The following HTR1E variants were observed in gnomAD, a reference collection of about 807,000 sequenced individuals.
The protein encoded by HTR1E is 5-hydroxytryptamine receptor 1E.
Under a neutral mutation model 3.4 loss-of-function variants are expected in HTR1E, and 3 were observed. That is an observed-to-expected ratio of 0.89 (90% CI 0.41 to 2.31). The LOEUF is 2.31. Among genes scored for constraint, HTR1E ranks in the 30% most tolerant of loss-of-function variants. The pLI, the probability that HTR1E is intolerant of heterozygous loss-of-function variation, is 0.05. For synonymous variants in HTR1E, 170 were observed against 182.8 expected (o/e 0.93, Z 0.56); for missense variants, 392 against 467.0 (o/e 0.84, Z 1.48).
chr6:86,965,484 C>T (rs1466244507), intron 1 of HTR1E, among the ~76,000 whole-genome samples: 2 of 152,056 alleles, frequency 1.3e-5, no homozygotes, highest in Non-Finnish European at 2.9e-5. Context: ...CACATAAATT[C>T]TGATTTAATC....
At chr6:86,954,957 G>A (rs1485869503) in intron 1 of HTR1E, among the ~76,000 whole-genome samples, 1 of 152,114 alleles carries the variant, frequency 6.6e-6, no homozygotes, top group Non-Finnish European at 1.5e-5. Context: ...ATGTATCTGG[G>A]AAAAGAACCC....
chr6:86,993,676 T>C (rs1249294052), intron 1 of HTR1E, among the ~76,000 whole-genome samples: 1 of 152,070 alleles, frequency 6.6e-6, no homozygotes, highest in Non-Finnish European at 1.5e-5. Context: ...CTTCTCTCCC[T>C]GGAGCAACGT....
At position 86,941,327 on chromosome 6, in the gene HTR1E, CTCTT is replaced by C. The variant is rs531515143; in HGVS notation, c.-186+3508_-186+3511del. On this transcript the variant is annotated intron_variant, in intron 1 of 1. Coordinates refer to ENST00000305344, the MANE Select transcript of HTR1E (RefSeq NM_000865.3). ...CAAATTGATAAAATTCTTGAGAACCCTCTTTCTAATACAGATTGACTATAATTTT... is the reference window on the plus strand; with the variant it reads ...CAAATTGATAAAATTCTTGAGAACCCTCTAATACAGATTGACTATAATTTT... Among the ~76,000 whole-genome samples, 17 of 152,324 alleles carry C rather than the reference CTCTT, an allele frequency of 1.1e-4. No individual in the cohort carries two copies. The East Asian group carries it at 2.5e-3, about 22-fold the overall frequency.
intron 1 of HTR1E, among the ~76,000 whole-genome samples, chr6:86,941,887 AAGGGAAGG>A (rs1011164635): frequency 5.9e-5 from 9 of 151,578 alleles, no homozygotes; most frequent in East Asian, 1.9e-4. Flanking sequence ...GGAAGGAAGG[AAGGGAAGG>A]AGGGAAGGAG....
In HTR1E at chr6:86,981,547, C is replaced by T. The variant is rs532977466; in HGVS notation, c.-185-33603C>T. Among the ~76,000 whole-genome samples, 14 of 152,304 alleles carry T rather than the reference C, an allele frequency of 9.2e-5. No homozygotes were observed. The South Asian group carries it at 2.7e-3, about 29-fold the overall frequency. On this transcript the variant is annotated intron_variant, in intron 1 of 1. Transcript: ENST00000305344. ...TTGTAATTCAGGTCCACTGGAGAAA[C>T]TCTATTTACTATCATCTTCAATGTC...
At chr6:86,983,538 C>T (rs562820089) in intron 1 of HTR1E, among the ~76,000 whole-genome samples, 23 of 152,058 alleles carry the variant, frequency 1.5e-4, no homozygotes, top group Middle Eastern at 3.4e-3. Flanking sequence ...GGGGAAATGA[C>T]GAGGGGTTGG....
At chr6:86,978,819 T>G (rs987822950) in intron 1 of HTR1E, among the ~76,000 whole-genome samples, 1 of 152,236 alleles carries the variant, frequency 6.6e-6, no homozygotes, top group Non-Finnish European at 1.5e-5. Flanking sequence ...GCAGGTTTCT[T>G]CTGCTCAGAT....
chr6:87,006,987 T>C (rs556281013), intron 1 of HTR1E, among the ~76,000 whole-genome samples: 1 of 152,234 alleles, frequency 6.6e-6, no homozygotes, highest in African/African-American at 2.4e-5. Flanking sequence ...GCTTAATAAC[T>C]AGGTGATGGC....
intron 1 of HTR1E, chr6:87,000,317 A>C (rs1021707760): frequency 2.6e-5 from 4 of 152,200 alleles, no homozygotes; most frequent in Admixed American, 6.5e-5. Flanking sequence ...CAGCTAGAAG[A>C]TAAAACAATT....
chr6:86,975,082 G>A (rs7751022), intron 1 of HTR1E, among the ~76,000 whole-genome samples: 11,343 of 152,154 alleles, frequency 0.075, 550 homozygotes, highest in East Asian at 0.15. Context: ...GTACTGCTCC[G>A]AAGACTGCTC....
intron 1 of HTR1E, among the ~76,000 whole-genome samples, chr6:86,987,845 A>G (rs114412786): frequency 6.6e-6 from 1 of 152,160 alleles, no homozygotes; most frequent in Non-Finnish European, 1.5e-5. Flanking sequence ...AAATGTGTGA[A>G]ACCTTTTATA....
At chr6:86,942,076 T>C (rs558721683) in intron 1 of HTR1E, among the ~76,000 whole-genome samples, 1 of 152,242 alleles carries the variant, frequency 6.6e-6, no homozygotes, top group East Asian at 1.9e-4. Flanking sequence ...AATATAATCA[T>C]AGGGATTTAT....
intron 1 of HTR1E, among the ~76,000 whole-genome samples, chr6:86,972,339 C>A (rs534744409): frequency 6.6e-6 from 1 of 152,058 alleles, no homozygotes; most frequent in East Asian, 1.9e-4. Flanking sequence ...CAGAATACTT[C>A]AAGGTATTGT....
intron 1 of HTR1E, among the ~76,000 whole-genome samples, chr6:87,011,671 T>A (rs973517295): frequency 3.9e-5 from 6 of 152,240 alleles, no homozygotes; most frequent in Admixed American, 3.9e-4. Flanking sequence ...TTCTATTTTT[T>A]CCCTTTCCTT....
intron 1 of HTR1E, among the ~76,000 whole-genome samples, chr6:86,956,046 T>C (rs930171408): frequency 6.6e-6 from 1 of 152,108 alleles, no homozygotes; most frequent in South Asian, 2.1e-4. Flanking sequence ...GCATTAACAC[T>C]ACAACAGAGA....
chr6:86,973,007 A>G (rs1435843048), intron 1 of HTR1E, among the ~76,000 whole-genome samples: 1 of 152,174 alleles, frequency 6.6e-6, no homozygotes, highest in Admixed American at 6.5e-5. Context: ...ACGTTCTACC[A>G]CTGCTGTTTC....
chr6:86,966,127 G>C (rs1767468476), intron 1 of HTR1E, among the ~76,000 whole-genome samples: 1 of 151,812 alleles, frequency 6.6e-6, no homozygotes, highest in South Asian at 2.1e-4. Flanking sequence ...AGGATGGGTG[G>C]TTTCAAATTT....
intron 1 of HTR1E, among the ~76,000 whole-genome samples, chr6:87,010,567 G>A (rs1197687558): frequency 5.8e-5 from 8 of 139,064 alleles, no homozygotes; most frequent in African/African-American, 8.2e-5. Context: ...GGGCAGAGAC[G>A]CTCCTCACTT....
intron 1 of HTR1E, among the ~76,000 whole-genome samples, chr6:86,959,428 A>G (rs1180695969): frequency 2.0e-5 from 3 of 152,032 alleles, no homozygotes; most frequent in Non-Finnish European, 2.9e-5. Context: ...AAAAAAATGC[A>G]AACGTTAGCC....
Sources: gnomAD v4.1 joint callset for allele counts (sites outside exome capture counted in the v4.1 genomes callset) on GRCh38, gnomAD v4.1.1 for gene constraint, MANE v1.5 for transcripts, NCBI Gene and HGNC (gene_info 2026-07-23, HGNC 2026-07-21) for gene names.